Variants in TBX19 observed in about 807,000 individuals in gnomAD.
TBX19 encodes the protein T-box transcription factor 19, also known as T-box transcription factor TBX19.
TBX19 carries 33 observed loss-of-function variants against 40.9 expected under a neutral mutation model. That is an observed-to-expected ratio of 0.81 (90% confidence interval 0.61 to 1.08). The LOEUF is 1.08. Among genes scored for constraint, TBX19 ranks in the 50% least tolerant of loss-of-function variants. The pLI, the probability that TBX19 is intolerant of heterozygous loss-of-function variation, is 0.00. For missense variants in TBX19, 494 were observed against 574.0 expected (o/e 0.86, Z 1.42); for synonymous variants, 220 against 225.0 (o/e 0.98, Z 0.20).
rs1295507551 is a variant in TBX19 at position 168,281,048 on chromosome 1, G to A, written c.-43G>A. Reference sequence around the variant, plus strand: ...TGAGGGAAGGAAGAAGCTAGAAGCAGGCAAGTTGGGTAACGGCTCTCGGCA... The same window carrying A: ...TGAGGGAAGGAAGAAGCTAGAAGCAAGCAAGTTGGGTAACGGCTCTCGGCA... On this transcript the variant is annotated 5_prime_UTR_variant, in exon 1 of 8. Transcript: ENST00000367821. 1 of 1,596,178 alleles carries A rather than the reference G, an allele frequency of 6.3e-7. No individual in the cohort carries two copies. Among genetic ancestry groups the A allele is most frequent in the African/African-American group, 1.3e-5 (1 of 74,700 alleles).
At position 168,291,439 on chromosome 1, in the gene TBX19, G is replaced by A. The variant is rs2075977; in HGVS notation, c.468+15G>A. 138 of 1,614,070 alleles carry A rather than the reference G, an allele frequency of 8.5e-5. No homozygotes were observed. In the East Asian group the frequency reaches 3.0e-3, roughly 35 times the overall value. On this transcript the variant is annotated intron_variant, in intron 2 of 7. Coordinates refer to ENST00000367821, the MANE Select transcript of TBX19 (RefSeq NM_005149.3). ...GAGGCGGGCAGGTACGAATGAGGCG[G>A]GCAGGCCTGGCCACCCGCTCCGGCC... is the stretch of plus-strand genomic sequence containing the variant.
chr1:168,301,011 C>CT (rs1217262077), intron 5 of TBX19, among the ~76,000 whole-genome samples: 1 of 152,206 alleles, frequency 6.6e-6, no homozygotes, highest in Non-Finnish European at 1.5e-5. Flanking sequence ...AGGGTGTTAC[C>CT]TTGTCCATGT....
chr1:168,308,399 G>C (rs1312204459), intron 6 of TBX19: 1 of 347,818 alleles, frequency 2.9e-6, no homozygotes, highest in East Asian at 7.5e-5. Context: ...CTTGAGGGGA[G>C]GCTGGTATGG....
intron 1 of TBX19, among the ~76,000 whole-genome samples, chr1:168,287,294 C>A (rs1413751585): frequency 6.6e-6 from 1 of 152,192 alleles, no homozygotes; most frequent in Non-Finnish European, 1.5e-5. Flanking sequence ...TTTCCTTTGC[C>A]TCTAAGTGCA....
chr1:168,301,824 G>A (rs1036720379), intron 5 of TBX19, among the ~76,000 whole-genome samples: 2 of 152,190 alleles, frequency 1.3e-5, no homozygotes, highest in African/African-American at 4.8e-5. Context: ...TTCCAGGAAC[G>A]TGAAGATAAT....
intron 4 of TBX19, among the ~76,000 whole-genome samples, chr1:168,298,800 C>CCCCGCCCTCCCTCCCT (rs1553289826): frequency 1.2e-4 from 1 of 8,036 alleles, no homozygotes; most frequent in Non-Finnish European, 2.6e-4. Flanking sequence ...CTCCTCTCCT[C>CCCCGCCCTCCCTCCCT]CCCTCCCTCC....
chr1:168,305,498 T>C (rs942310905), intron 6 of TBX19, among the ~76,000 whole-genome samples: 4 of 152,224 alleles, frequency 2.6e-5, no homozygotes, highest in Admixed American at 6.5e-5. Flanking sequence ...CAGGCAGATC[T>C]CTAAAAGCCA....
At chr1:168,297,476 T>C (rs1040495670) in intron 3 of TBX19, 1 of 569,116 alleles carries the variant, frequency 1.8e-6, no homozygotes, top group African/African-American at 1.9e-5. Flanking sequence ...CATTAGCATT[T>C]TCACCACATG....
intron 3 of TBX19, chr1:168,297,501 C>T: frequency 1.6e-6 from 1 of 616,800 alleles, no homozygotes; most frequent in South Asian, 1.8e-5. Flanking sequence ...GATAAAATGT[C>T]CTTTGCCAGA....
intron 5 of TBX19, among the ~76,000 whole-genome samples, 170 bp from the exon 6 acceptor site, chr1:168,304,838 A>T (rs761933787): frequency 1.5e-4 from 23 of 152,212 alleles, no homozygotes; most frequent in Non-Finnish European, 2.6e-4. Flanking sequence ...GCTCATGGGC[A>T]AGGGCAGTGG....
intron 3 of TBX19, among the ~76,000 whole-genome samples, chr1:168,296,884 A>G (rs1433015479): frequency 6.6e-6 from 1 of 152,026 alleles, no homozygotes; most frequent in African/African-American, 2.4e-5. Flanking sequence ...AAATATATAT[A>G]TATGTGTGTG....
chr1:168,304,358 T>C (rs1649349961), intron 5 of TBX19, among the ~76,000 whole-genome samples: 1 of 152,094 alleles, frequency 6.6e-6, no homozygotes. Context: ...CCTCTGGTGC[T>C]GAGTCACTTC....
At chr1:168,296,612 G>A (rs972198147) in intron 3 of TBX19, among the ~76,000 whole-genome samples, 7 of 152,064 alleles carry the variant, frequency 4.6e-5, no homozygotes, top group African/African-American at 1.2e-4. Context: ...GGAATTATGG[G>A]AGCTACAATT....
At position 168,291,146 on chromosome 1, in the gene TBX19, G is replaced by A. The variant is rs1648928552; in HGVS notation, c.204-14G>A. 3 of 1,609,896 alleles carry A rather than the reference G, an allele frequency of 1.9e-6. No homozygotes were observed. The South Asian group carries it at 3.3e-5, about 18-fold the overall frequency. Reference sequence around the variant, plus strand: ...ACGTCCCTCCTGTGGCTAAGTTTCTGCCTTTCCTTTTAGACGGATGTTTCC... The same window carrying A: ...ACGTCCCTCCTGTGGCTAAGTTTCTACCTTTCCTTTTAGACGGATGTTTCC... On this transcript the variant is annotated splice_polypyrimidine_tract_variant and intron_variant, in intron 1 of 7. Transcript: ENST00000367821.
chr1:168,299,636 T>G (rs1363783681), intron 4 of TBX19, among the ~76,000 whole-genome samples: 1 of 152,084 alleles, frequency 6.6e-6, no homozygotes, highest in Non-Finnish European at 1.5e-5. Context: ...CCACCATGCC[T>G]GGCTATGTGT....
chr1:168,302,727 T>C (rs911647359), intron 5 of TBX19, among the ~76,000 whole-genome samples: 7 of 152,024 alleles, frequency 4.6e-5, no homozygotes, highest in African/African-American at 1.4e-4. Context: ...TGCTGTCAAG[T>C]TGTGCTAGGC....
rs896960785 is a variant in TBX19 at position 168,291,256 on chromosome 1, C to T, written c.300C>T (p.Arg100=). The T allele has an allele frequency of 2.5e-6, 4 of 1,614,238 alleles. No individual in the cohort carries two copies. Among genetic ancestry groups the T allele is most frequent in the Non-Finnish European group, 3.4e-6 (4 of 1,180,050 alleles). Residue 100 remains arginine (R), a synonymous_variant, in exon 2 of 8, where the codon CGC becomes CGT. Coordinates refer to ENST00000367821, the MANE Select transcript of TBX19 (RefSeq NM_005149.3). ...ACTTTGTCCCTACGGACAGTCACCG[C>T]TGGAAGTACGTCAACGGGGAATGGG... ...LLDFVPTDSH[R]WKYVNGEWVP... is the part of the protein sequence containing the mutation.
At chr1:168,302,459 T>C (rs545900227) in intron 5 of TBX19, among the ~76,000 whole-genome samples, 2 of 152,240 alleles carry the variant, frequency 1.3e-5, no homozygotes, top group South Asian at 4.2e-4. Context: ...TCTATCTGAA[T>C]CCCCATCCAC....
chr1:168,293,287 G>A lies in TBX19; in HGVS notation c.603+9G>A. ...CCTATCAGAATGAGGAGGTAAGAGT[G>A]TGTGTGTGTGTGTGTGTGTGTGTGT... On this transcript the variant is annotated intron_variant, in intron 3 of 7. Coordinates refer to ENST00000367821, the MANE Select transcript of TBX19 (RefSeq NM_005149.3). 1 of 1,246,714 alleles carries A rather than the reference G, an allele frequency of 8.0e-7. No homozygotes were observed. The allele number at this position is 1,246,714 out of a possible 1,614,324, so 77.2% of individuals were successfully genotyped here. A position where few individuals can be genotyped will look rare whatever the true frequency, so the allele number is the denominator to read the frequency against.
Sources: gnomAD v4.1 joint callset for allele counts (sites outside exome capture counted in the v4.1 genomes callset) on GRCh38, gnomAD v4.1.1 for gene constraint, MANE v1.5 for transcripts, NCBI Gene and HGNC (gene_info 2026-07-23, HGNC 2026-07-21) for gene names.